The following AIG1 variants were observed in gnomAD, a reference collection of about 807,000 sequenced individuals.
AIG1 encodes the protein androgen-induced gene 1 protein.
AIG1 carries 23 observed loss-of-function variants against 31.4 expected under a neutral mutation model. That is an observed-to-expected ratio of 0.73 (90% CI 0.53 to 1.04). The LOEUF is 1.04. Ranked by LOEUF, AIG1 falls within the 50% of genes least tolerant of loss-of-function variation. The pLI, the probability that AIG1 is intolerant of heterozygous loss-of-function variation, is 0.00. For synonymous variants in AIG1, 100 were observed against 110.5 expected (o/e 0.90, Z 0.60); for missense variants, 274 against 295.0 (o/e 0.93, Z 0.52).
At chr6:143,311,892 T>A (rs1775308471) in intron 4 of AIG1, among the ~76,000 whole-genome samples, 1 of 151,908 alleles carries the variant, frequency 6.6e-6, no homozygotes, top group South Asian at 2.1e-4. Context: ...CATACAAAAA[T>A]CAGTAGCATT....
At position 143,340,318 on chromosome 6, in the gene AIG1, T is replaced by A. The variant is rs978027509; in HGVS notation, c.*642T>A. On this transcript the variant is annotated 3_prime_UTR_variant, in exon 6 of 6. Coordinates refer to ENST00000357847, the MANE Select transcript of AIG1 (RefSeq NM_016108.4). Reference sequence around the variant, plus strand: ...AGCCACCCTGAACCTGACGTCTGCATTGTGCATCTCAAAATCCTAACAGCA... The same window carrying A: ...AGCCACCCTGAACCTGACGTCTGCAATGTGCATCTCAAAATCCTAACAGCA... 1 of 152,230 alleles carries A rather than the reference T, an allele frequency of 6.6e-6. No individual in the cohort carries two copies. Among genetic ancestry groups the A allele is most frequent in the African/African-American group, 2.4e-5 (1 of 41,460 alleles). The allele number at this position is 152,230 out of a possible 1,614,324, so 9.4% of individuals were successfully genotyped here.
At chr6:143,339,441 T>G in intron 5 of AIG1, 198 bp from the exon 6 acceptor site, 1 of 484,566 alleles carries the variant, frequency 2.1e-6, no homozygotes, top group Non-Finnish European at 3.7e-6. Flanking sequence ...GGAAGAGAGG[T>G]CACTGAGGAT....
chr6:143,323,694 G>T (rs1776397570), intron 4 of AIG1, among the ~76,000 whole-genome samples: 1 of 152,008 alleles, frequency 6.6e-6, no homozygotes, highest in African/African-American at 2.4e-5. Context: ...TGTTCATCAG[G>T]AATCTTGGCA....
chr6:143,304,933 C>T (rs888029632), intron 4 of AIG1, among the ~76,000 whole-genome samples: 2 of 152,178 alleles, frequency 1.3e-5, no homozygotes, highest in African/African-American at 2.4e-5. Context: ...AGAGATTCAA[C>T]TTCTTCCTGG....
At chr6:143,139,844 A>G (rs1784102414) in intron 2 of AIG1, among the ~76,000 whole-genome samples, 1 of 152,172 alleles carries the variant, frequency 6.6e-6, no homozygotes, top group African/African-American at 2.4e-5. Context: ...AATACACAGA[A>G]ATTCATTTTG....
intron 3 of AIG1, among the ~76,000 whole-genome samples, chr6:143,244,816 T>A (rs988179641): frequency 1.3e-5 from 2 of 152,212 alleles, no homozygotes; most frequent in East Asian, 3.9e-4. Context: ...GAAAAATGTA[T>A]AAATTCAGCT....
chr6:143,190,672 C>G lies in AIG1; in HGVS notation c.399+25489C>G, dbSNP rs545212539. ...TTCCAAAGCCCCAGGTAAGGACTTT[C>G]TCAACCTGTATTCTAACATGATGGG... On this transcript the variant is annotated intron_variant, in intron 3 of 5. Coordinates refer to ENST00000357847, the MANE Select transcript of AIG1 (RefSeq NM_016108.4). The G allele has an allele frequency of 3.3e-6, 3 of 913,396 alleles. No homozygotes were observed. The African/African-American group carries it at 5.4e-5, about 16-fold the overall frequency. 56.6% of individuals were successfully genotyped at this position (913,396 alleles called of 1,614,324 possible).
intron 1 of AIG1, among the ~76,000 whole-genome samples, chr6:143,132,056 T>C (rs1457093605): frequency 6.6e-6 from 1 of 152,218 alleles, no homozygotes; most frequent in Non-Finnish European, 1.5e-5. Context: ...TTCCATTCTT[T>C]CTTGTCCTTG....
chr6:143,137,081 G>C lies in AIG1; in HGVS notation c.297+91G>C. ...GAAAAAAAAAGAGTTCATTATAAGA[G>C]GTTTCTGTATTATTAGTTTGCTGGA... On this transcript the variant is annotated intron_variant, in intron 2 of 5. Coordinates refer to ENST00000357847, the MANE Select transcript of AIG1 (RefSeq NM_016108.4). 4 of 1,275,466 alleles carry C rather than the reference G, an allele frequency of 3.1e-6. No homozygotes were observed. In the South Asian group the frequency reaches 1.3e-4, roughly 41 times the overall value. 79.0% of individuals were successfully genotyped at this position (1,275,466 alleles called of 1,614,324 possible). A position where few individuals can be genotyped will look rare whatever the true frequency, so the allele number is the denominator to read the frequency against.
chr6:143,181,294 A>T (rs1338378793), intron 3 of AIG1, among the ~76,000 whole-genome samples: 2 of 152,164 alleles, frequency 1.3e-5, no homozygotes, highest in African/African-American at 4.8e-5. Flanking sequence ...TCTCTCTAGG[A>T]CTCTCAAATG....
chr6:143,104,361 G>A (rs939587017), intron 1 of AIG1, among the ~76,000 whole-genome samples: 2 of 152,150 alleles, frequency 1.3e-5, no homozygotes, highest in African/African-American at 4.8e-5. Context: ...AATTATGAGG[G>A]TGAAGCTTCC....
At chr6:143,238,417 G>A (rs906936324) in intron 3 of AIG1, among the ~76,000 whole-genome samples, 44 of 152,170 alleles carry the variant, frequency 2.9e-4, no homozygotes, top group Admixed American at 1.9e-3. Flanking sequence ...TATGGCATTT[G>A]TTTTTGTTTT....
chr6:143,090,239 T>C (rs1229820650), intron 1 of AIG1, among the ~76,000 whole-genome samples: 1 of 152,362 alleles, frequency 6.6e-6, no homozygotes, highest in African/African-American at 2.4e-5. Flanking sequence ...AGTGCTTTAA[T>C]TTCTTCATCT....
At chr6:143,201,908 T>A (rs1790727448) in intron 3 of AIG1, among the ~76,000 whole-genome samples, 1 of 152,194 alleles carries the variant, frequency 6.6e-6, no homozygotes, top group Non-Finnish European at 1.5e-5. Context: ...TCCTTACGTT[T>A]TTTCTGTACC....
intron 1 of AIG1, among the ~76,000 whole-genome samples, chr6:143,127,518 T>A (rs956413109): frequency 1.9e-4 from 29 of 152,250 alleles, no homozygotes; most frequent in African/African-American, 6.5e-4. Context: ...AAGACAAATA[T>A]ACTCTGGCCT....
intron 3 of AIG1, among the ~76,000 whole-genome samples, chr6:143,166,797 G>T (rs116571279): frequency 2.4e-3 from 358 of 152,242 alleles, no homozygotes; most frequent in African/African-American, 8.4e-3. Context: ...TACAAATAAG[G>T]AATGATCGCA....
At chr6:143,187,767 A>T in intron 3 of AIG1, 1 of 1,520,406 alleles carries the variant, frequency 6.6e-7, no homozygotes, top group Non-Finnish European at 8.8e-7. Flanking sequence ...TCTGCACAAG[A>T]AGGACATTTG....
At chr6:143,068,489 A>G (rs966308116) in intron 1 of AIG1, among the ~76,000 whole-genome samples, 11 of 152,278 alleles carry the variant, frequency 7.2e-5, no homozygotes, top group Admixed American at 6.5e-4. Flanking sequence ...TCCATTGTGG[A>G]ATTGAACAAG....
intron 2 of AIG1, among the ~76,000 whole-genome samples, chr6:143,143,151 T>C (rs1273824855): frequency 6.6e-6 from 1 of 152,020 alleles, no homozygotes. Context: ...CTATTTGAGA[T>C]TATAAATAAA....
Sources: gnomAD v4.1 joint callset for allele counts (sites outside exome capture counted in the v4.1 genomes callset) on GRCh38, gnomAD v4.1.1 for gene constraint, MANE v1.5 for transcripts, NCBI Gene and HGNC (gene_info 2026-07-23, HGNC 2026-07-21) for gene names.